The following ATP2B2 variants were observed in gnomAD, a reference collection of about 807,000 sequenced individuals.
ATP2B2 encodes ATPase plasma membrane Ca2+ transporting 2.
ATP2B2 carries 15 observed loss-of-function variants against 120.0 expected under a neutral mutation model. That is an observed-to-expected ratio of 0.12 (90% confidence interval 0.08 to 0.19). The LOEUF (loss-of-function observed/expected upper bound fraction) is 0.19. Ranked by LOEUF, ATP2B2 falls within the 10% of genes least tolerant of loss-of-function variation. The pLI is 1.00. For synonymous variants in ATP2B2, 694 were observed against 700.3 expected (o/e 0.99, Z 0.14); for missense variants, 1,045 against 1,719.8 (o/e 0.61, Z 6.94).
At chr3:10,699,880 C>T (rs1271948701) in intron 1 of ATP2B2, among the ~76,000 whole-genome samples, 2 of 152,040 alleles carry the variant, frequency 1.3e-5, no homozygotes, top group African/African-American at 4.8e-5. Flanking sequence ...GTAAATAGAC[C>T]CTTGAAAGAT....
chr3:10,487,622 T>G (rs1376112544), intron 1 of ATP2B2, among the ~76,000 whole-genome samples: 1 of 152,194 alleles, frequency 6.6e-6, no homozygotes, highest in East Asian at 1.9e-4. Flanking sequence ...ATGTCCCCAG[T>G]GCCCTCAGCT....
chr3:10,613,702 T>C (rs1575558688), intron 2 of ATP2B2, among the ~76,000 whole-genome samples: 1 of 152,040 alleles, frequency 6.6e-6, no homozygotes, highest in Non-Finnish European at 1.5e-5. Flanking sequence ...CCATCATCTC[T>C]TACCCGGATA....
chr3:10,346,093 C>T lies in ATP2B2; in HGVS notation c.2449G>A (p.Val817Met), dbSNP rs1421342790. The T allele has an allele frequency of 6.2e-7, 1 of 1,612,212 alleles. No homozygotes were observed. The highest frequency in any genetic ancestry group is 8.5e-7 in the Non-Finnish European group (1 of 1,179,974). The change falls in exon 17 of 23, where the codon GTG becomes ATG. Residue 817 changes from valine (V) to methionine (M), a missense_variant. This residue lies in a region of ATP2B2 where 98 missense variants were observed against 266.7 expected (regional missense o/e 0.37). Coordinates refer to ENST00000360273, the MANE Select transcript of ATP2B2 (RefSeq NM_001001331.4). This position sits in a 1 kb window ranked among gnomAD's most constrained non-coding sequence, Gnocchi z 4.1. ...CCGTCGTTGGTCCCGTCCCCCGTCA[C>T]GGCCACCACCTGCCGCTGCTCAGTG... ...THTEQRQVVA[V>M]TGDGTNDGPA... is the part of the protein sequence containing the mutation.
At chr3:10,693,179 T>C (rs562011843) in intron 1 of ATP2B2, among the ~76,000 whole-genome samples, 1 of 152,226 alleles carries the variant, frequency 6.6e-6, no homozygotes, top group East Asian at 1.9e-4. Context: ...AATCACACTT[T>C]TTGGGGGCTG....
chr3:10,533,553 A>G (rs1368381860), intron 3 of ATP2B2, among the ~76,000 whole-genome samples: 2 of 152,230 alleles, frequency 1.3e-5, no homozygotes, highest in African/African-American at 4.8e-5. Context: ...CCTCTCTGTC[A>G]GCACTTAGCA....
At chr3:10,572,660 A>G (rs2068153518) in intron 2 of ATP2B2, among the ~76,000 whole-genome samples, 1 of 152,200 alleles carries the variant, frequency 6.6e-6, no homozygotes, top group South Asian at 2.1e-4. Context: ...ATAGATGAAC[A>G]GTTCTGGAAT....
chr3:10,506,330 GA>G (rs2066625546), upstream of ATP2B2, among the ~76,000 whole-genome samples: 2 of 152,152 alleles, frequency 1.3e-5, no homozygotes, highest in Non-Finnish European at 1.5e-5. Context: ...CCTGCCTCAA[GA>G]AGGTGCCCAC....
intron 1 of ATP2B2, among the ~76,000 whole-genome samples, chr3:10,488,112 T>A (rs1000311179): frequency 2.6e-5 from 4 of 151,274 alleles, no homozygotes; most frequent in African/African-American, 7.3e-5. Context: ...CATCCATCCA[T>A]CCATCCACCC....
chr3:10,590,785 A>G (rs923143041), intron 2 of ATP2B2, among the ~76,000 whole-genome samples: 1 of 152,198 alleles, frequency 6.6e-6, no homozygotes, highest in Non-Finnish European at 1.5e-5. Context: ...AAGAGCCTGA[A>G]GCATGTGCAC....
intron 2 of ATP2B2, among the ~76,000 whole-genome samples, chr3:10,411,521 G>GA (rs2062611122): frequency 6.6e-6 from 1 of 152,238 alleles, no homozygotes; most frequent in South Asian, 2.1e-4. Context: ...AGAAGAATCA[G>GA]AAGCCACTGC....
In ATP2B2 at chr3:10,587,671, C is replaced by A. The variant is rs150938858; in HGVS notation, c.-415+32246G>T. Among the ~76,000 whole-genome samples the A allele has an allele frequency of 3.3e-3, 505 of 152,302 alleles. 2 individuals are homozygous for A. Among genetic ancestry groups the A allele is most frequent in the African/African-American group, 0.011 (468 of 41,560 alleles). ...CAGGGATTACAGGCATGAGCCACCG[C>A]GCTGGGCCTAGTTTAATTCTTCATT... On this transcript the variant is annotated intron_variant, in intron 2 of 21. Transcript: ENST00000646379.
chr3:10,594,882 G>A (rs73015614), intron 2 of ATP2B2, among the ~76,000 whole-genome samples: 10,701 of 152,252 alleles, frequency 0.07, 618 homozygotes, highest in East Asian at 0.33. Flanking sequence ...AAATGGAGGC[G>A]TAAGCGGTTA....
chr3:10,525,903 G>C (rs13319146), intron 3 of ATP2B2, among the ~76,000 whole-genome samples: 8,212 of 151,862 alleles, frequency 0.054, 570 homozygotes, highest in African/African-American at 0.17. Flanking sequence ...TCATTGTTTT[G>C]TATCATCTGC....
chr3:10,542,629 T>G (rs891528764), intron 2 of ATP2B2, among the ~76,000 whole-genome samples: 1 of 152,216 alleles, frequency 6.6e-6, no homozygotes, highest in Admixed American at 6.5e-5. Context: ...TCTGGGTTGA[T>G]AGTTCTATTC....
intron 1 of ATP2B2, among the ~76,000 whole-genome samples, chr3:10,699,319 T>C (rs1465810420): frequency 1.3e-5 from 2 of 152,188 alleles, no homozygotes; most frequent in Non-Finnish European, 2.9e-5. Flanking sequence ...ACAACATAGG[T>C]GCCCATGAGA....
chr3:10,523,276 A>T lies in ATP2B2; in HGVS notation c.-320+10763T>A, dbSNP rs149387721. Among the ~76,000 whole-genome samples the T allele has an allele frequency of 8.7e-4, 133 of 152,360 alleles. 1 individual carries two copies. In the East Asian group the frequency reaches 0.018, roughly 21 times the overall value. ...GTTGAGTAGGTGGGAACCAGACAGC[A>T]GTTTTCAATAGAAAAGAATAAAACA... On this transcript the variant is annotated intron_variant, in intron 3 of 21. Coordinates refer to the ATP2B2 transcript ENST00000646379.
At chr3:10,577,169 G>A (rs2068273287) in intron 2 of ATP2B2, among the ~76,000 whole-genome samples, 1 of 151,986 alleles carries the variant, frequency 6.6e-6, no homozygotes, top group Middle Eastern at 3.2e-3. Flanking sequence ...CAGATCTACT[G>A]AGCTGGAATC....
chr3:10,385,319 C>G lies in ATP2B2; in HGVS notation c.949G>C (p.Gly317Arg), dbSNP rs147881294. 1.9e-6 allele frequency: 3 copies of G among 1,613,782 alleles called. No individual in the cohort carries two copies. Among genetic ancestry groups the G allele is most frequent in the Non-Finnish European group, 2.5e-6 (3 of 1,179,970 alleles). ...GDGLQLPAAD[G>R]AAASNAADSA... ...TCTGCAGCATTTGAAGCTGCCGCAC[C>G]GTCTGCTGCTGCAGGGGGGTGGGAG... is the stretch of plus-strand genomic sequence containing the variant. The change falls in exon 8 of 23, where the codon GGT (glycine) becomes CGT (arginine). Residue 317 changes from glycine (G) to arginine (R), a missense_variant. By Grantham distance (125) the Gly-to-Arg change is moderately radical (BLOSUM62 -2). Transcript: ENST00000360273.
At chr3:10,390,476 GTGTGTGTGTGCGTGCATGCTTT>G (rs2061813457) in intron 5 of ATP2B2, among the ~76,000 whole-genome samples, 1 of 74,024 alleles carries the variant, frequency 1.4e-5, no homozygotes, top group East Asian at 1.9e-3. Context: ...GTGTGTGCCT[GTGTGTGTGTGCGTGCATGCTTT>G]TGTGTGTGTG....
Sources: allele counts gnomAD v4.1 joint callset (sites outside exome capture counted in the v4.1 genomes callset), GRCh38; gene constraint gnomAD v4.1.1; regional missense constraint gnomAD v4.1.1; non-coding constraint Gnocchi (gnomAD v3.1); transcripts MANE v1.5; gene names NCBI Gene and HGNC (gene_info 2026-07-23, HGNC 2026-07-21).